The following CTNND2 variants were observed in gnomAD, a reference collection of about 807,000 sequenced individuals.
CTNND2 encodes catenin delta 2.
CTNND2 carries 22 observed loss-of-function variants against 144.4 expected under a neutral mutation model. That is an observed-to-expected ratio of 0.15 (90% CI 0.11 to 0.22). The LOEUF (loss-of-function observed/expected upper bound fraction) is 0.22, where lower values mean the gene tolerates loss of function less well. CTNND2 is among the 10% of genes least tolerant of loss of function. The pLI is 1.00. For missense variants in CTNND2, 1,353 were observed against 1,618.8 expected, an observed-to-expected ratio of 0.84 and a Z score of 2.82; for synonymous variants, 751 against 695.6, an observed-to-expected ratio of 1.08 and a Z score of -1.25.
intron 10 of CTNND2, among the ~76,000 whole-genome samples, chr5:11,215,235 A>G (rs774714915): frequency 2.6e-5 from 4 of 152,270 alleles, no homozygotes; most frequent in Non-Finnish European, 5.9e-5. Flanking sequence ...CTAAGAAGAT[A>G]TCTCGGAAAC....
intron 1 of CTNND2, among the ~76,000 whole-genome samples, chr5:11,873,960 C>T (rs1273126111): frequency 6.6e-6 from 1 of 152,188 alleles, no homozygotes; most frequent in East Asian, 1.9e-4. Context: ...AATATTACTA[C>T]CTGCAGGGGA....
chr5:11,517,413 A>G (rs561745855), intron 3 of CTNND2, among the ~76,000 whole-genome samples: 65 of 152,344 alleles, frequency 4.3e-4, no homozygotes, highest in African/African-American at 1.5e-3. Context: ...GGTAACACTA[A>G]TTCAAGTGAT....
intron 1 of CTNND2, among the ~76,000 whole-genome samples, chr5:11,841,358 C>G (rs186191015): frequency 2.0e-5 from 3 of 152,064 alleles, no homozygotes; most frequent in Admixed American, 1.3e-4. Context: ...ATCACCCCCA[C>G]CCCTACCCCA....
At chr5:11,608,882 G>A (rs183043740) in intron 2 of CTNND2, among the ~76,000 whole-genome samples, 16 of 152,264 alleles carry the variant, frequency 1.1e-4, no homozygotes, top group Non-Finnish European at 1.5e-5. Context: ...GGGTATCTGA[G>A]GCTTCTGGAT....
chr5:11,792,858 A>G, intron 1 of CTNND2, among the ~76,000 whole-genome samples: 1 of 152,216 alleles, frequency 6.6e-6, no homozygotes, highest in East Asian at 1.9e-4. Flanking sequence ...ATTCACAGCC[A>G]AAAAACTCTT....
intron 2 of CTNND2, among the ~76,000 whole-genome samples, chr5:11,663,965 G>A (rs754359969): frequency 6.6e-6 from 1 of 152,148 alleles, no homozygotes; most frequent in African/African-American, 2.4e-5. Flanking sequence ...AGCAAGCCAA[G>A]AAGGTAGAAA....
At position 11,022,773 on chromosome 5, in the gene CTNND2, C is replaced by T; in HGVS notation, c.2995G>A (p.Asp999Asn). 2.5e-6 allele frequency: 4 copies of T among 1,613,760 alleles called. No homozygotes were observed. The highest frequency in any genetic ancestry group is 3.4e-6 in the Non-Finnish European group (4 of 1,179,888). ...TGGCGTCACCAGGTAACTTACTTAT[C>T]TCCTTTGCTTTTGGAGATGCCGACC... ...KLVGISKSKG[D>N]KHSPKVVKAA... is the part of the protein sequence containing the mutation. Residue 999 changes from aspartate to asparagine, a missense_variant, in exon 17 of 22, where the codon GAT (aspartate) becomes AAT (asparagine). By Grantham distance (23) the Asp-to-Asn change is conservative. This residue lies in a region of CTNND2 where 459 missense variants were observed against 674.3 expected (regional missense o/e 0.68). Coordinates refer to ENST00000304623, the MANE Select transcript of CTNND2 (RefSeq NM_001332.4).
At chr5:11,282,555 C>A (rs1340306374) in intron 9 of CTNND2, among the ~76,000 whole-genome samples, 1 of 152,172 alleles carries the variant, frequency 6.6e-6, no homozygotes, top group East Asian at 1.9e-4. Flanking sequence ...GCTAGAAATC[C>A]AGGAGATCCT....
At chr5:11,887,253 G>A (rs1200046908) in intron 1 of CTNND2, among the ~76,000 whole-genome samples, 1 of 152,000 alleles carries the variant, frequency 6.6e-6, no homozygotes, top group Non-Finnish European at 1.5e-5. Flanking sequence ...AAAGTGCTGG[G>A]ATTACAGGCA....
rs528158886 is a variant in CTNND2 at position 10,988,290 on chromosome 5, C to T, written c.3212-48G>A. On this transcript the variant is annotated intron_variant, in intron 19 of 21. Transcript: ENST00000304623. The surrounding 1 kb of genome is among the most constrained non-coding windows in gnomAD (Gnocchi z 5.9). Reference sequence around the variant, plus strand: ...GGATTTTCTGCATCTCATCCCACAGCGTGTGTGCCTTCCACACAGTCAGGG... The same window carrying T: ...GGATTTTCTGCATCTCATCCCACAGTGTGTGTGCCTTCCACACAGTCAGGG... 91 of 1,609,954 alleles carry T rather than the reference C, an allele frequency of 5.7e-5. 2 individuals carry two copies. The South Asian group carries it at 8.5e-4, about 15-fold the overall frequency.
At chr5:11,087,389 C>T (rs1750282160) in intron 15 of CTNND2, among the ~76,000 whole-genome samples, 1 of 152,128 alleles carries the variant, frequency 6.6e-6, no homozygotes. Context: ...TTGCTGTATG[C>T]CCCAGATTAT....
intron 11 of CTNND2, among the ~76,000 whole-genome samples, chr5:11,167,501 A>G (rs576098777): frequency 2.8e-4 from 42 of 152,158 alleles, no homozygotes; most frequent in Non-Finnish European, 4.6e-4. Context: ...TCTCCATGCA[A>G]TGTTTTAAAT....
intron 9 of CTNND2, among the ~76,000 whole-genome samples, chr5:11,287,041 A>G (rs1186063658): frequency 6.6e-6 from 1 of 152,206 alleles, no homozygotes; most frequent in African/African-American, 2.4e-5. Context: ...ATAAATCTCA[A>G]TAACACCGTT....
intron 1 of CTNND2, among the ~76,000 whole-genome samples, chr5:11,894,317 A>C (rs1240715792): frequency 6.6e-6 from 1 of 152,200 alleles, no homozygotes; most frequent in Admixed American, 6.5e-5. Context: ...AGGAAAAAAT[A>C]CAAGAAACTT....
At chr5:11,053,502 G>C (rs1746051025) in intron 16 of CTNND2, among the ~76,000 whole-genome samples, 2 of 152,172 alleles carry the variant, frequency 1.3e-5, no homozygotes, top group Admixed American at 1.3e-4. Context: ...GAGACACCTA[G>C]AGACGGCTCT....
intron 2 of CTNND2, among the ~76,000 whole-genome samples, chr5:11,684,462 G>T (rs1023522964): frequency 9.2e-5 from 14 of 152,094 alleles, no homozygotes; most frequent in African/African-American, 3.1e-4. Flanking sequence ...TATTTTAAAG[G>T]ATATTGTTTC....
chr5:11,498,112 G>A (rs994645141), intron 3 of CTNND2, among the ~76,000 whole-genome samples: 1 of 152,212 alleles, frequency 6.6e-6, no homozygotes, highest in Non-Finnish European at 1.5e-5. Flanking sequence ...ATGATTGTGA[G>A]TGTGCAAATA....
At chr5:11,342,838 T>C (rs1754412406) in intron 9 of CTNND2, among the ~76,000 whole-genome samples, 1 of 152,238 alleles carries the variant, frequency 6.6e-6, no homozygotes, top group Non-Finnish European at 1.5e-5. Flanking sequence ...TTAAGAGTTA[T>C]ATTTGACTTT....
At chr5:11,781,755 A>G (rs1581874780) in intron 1 of CTNND2, among the ~76,000 whole-genome samples, 1 of 152,164 alleles carries the variant, frequency 6.6e-6, no homozygotes, top group Non-Finnish European at 1.5e-5. Context: ...ACTTCTCCAC[A>G]CTGAATTATA....
Sources: allele counts gnomAD v4.1 joint callset (sites outside exome capture counted in the v4.1 genomes callset), GRCh38; gene constraint gnomAD v4.1.1; regional missense constraint gnomAD v4.1.1; non-coding constraint Gnocchi (gnomAD v3.1); transcripts MANE v1.5; gene names NCBI Gene and HGNC (gene_info 2026-07-23, HGNC 2026-07-21).